SCN3A: variants seen among roughly 807,000 people sequenced by gnomAD.
SCN3A encodes sodium voltage-gated channel alpha subunit 3.
Under a neutral mutation model 187.6 loss-of-function variants are expected in SCN3A, and 60 were observed. That is an observed-to-expected ratio of 0.32 (90% confidence interval 0.26 to 0.40). SCN3A has a LOEUF of 0.40. Ranked by LOEUF, SCN3A falls within the 10% of genes least tolerant of loss-of-function variation. SCN3A has a pLI of 1.00. For missense variants in SCN3A, 1,601 were observed against 2,428.2 expected, an observed-to-expected ratio of 0.66 and a Z score of 7.16; for synonymous variants, 788 against 829.2, an observed-to-expected ratio of 0.95 and a Z score of 0.85.
intron 1 of SCN3A, among the ~76,000 whole-genome samples, chr2:165,189,317 ATTAG>A (rs2105963338): frequency 6.6e-6 from 1 of 152,320 alleles, no homozygotes; most frequent in South Asian, 2.1e-4. Flanking sequence ...GATGGTTGCA[ATTAG>A]TTAAACTAAG....
intron 12 of SCN3A, 37 bp from the exon 13 acceptor site, chr2:165,141,035 G>A (rs746304411): frequency 4.3e-6 from 6 of 1,410,702 alleles, no homozygotes; most frequent in Non-Finnish European, 6.0e-6. Context: ...ATGGGATGGG[G>A]GTAGGGGAAG....
chr2:165,177,210 A>G (rs909343818), intron 2 of SCN3A, among the ~76,000 whole-genome samples: 1 of 152,144 alleles, frequency 6.6e-6, no homozygotes, highest in African/African-American at 2.4e-5. Context: ...TTATTCCAAG[A>G]CAATTTTGAC....
chr2:165,094,489 A>G lies in SCN3A; in HGVS notation c.4432-11T>C, dbSNP rs2105636380. On this transcript the variant is annotated splice_polypyrimidine_tract_variant and intron_variant, in intron 25 of 27. Transcript: ENST00000283254. ...GTCTTGACCTCCAAAGTAAAGACAT[A>G]GTATAAAACTGGTTACAATTCTGTG... 1 of 1,535,864 alleles carries G rather than the reference A, an allele frequency of 6.5e-7. No homozygotes were observed. The highest frequency in any genetic ancestry group is 2.2e-5 in the East Asian group (1 of 44,468).
chr2:165,200,686 C>T (rs186584537), intron 1 of SCN3A, among the ~76,000 whole-genome samples: 1 of 152,110 alleles, frequency 6.6e-6, no homozygotes, highest in Admixed American at 6.6e-5. Context: ...GAAGATGAAG[C>T]TGACAGCGCA....
At chr2:165,154,332 A>G in intron 11 of SCN3A, 120 bp downstream of exon 11, 6 of 1,096,162 alleles carry the variant, frequency 5.5e-6, no homozygotes, top group Non-Finnish European at 7.8e-6. Flanking sequence ...TTTTTTTCTA[A>G]TGACAATGCC....
At position 165,090,359 on chromosome 2, in the gene SCN3A, T is replaced by C. The variant is rs1271986867; in HGVS notation, c.5794A>G (p.Ile1932Val). 1.9e-6 allele frequency: 3 copies of C among 1,613,132 alleles called. No individual in the cohort carries two copies. The highest frequency in any genetic ancestry group is 3.3e-4 in the Middle Eastern group (2 of 6,060). The stretch of plus-strand genomic sequence containing the variant: ...ATAGGTAAGTCAATCCTCCCTTTAA[T>C]TGCCTCTTTGTTATAGTTACTTGAT... ...NISSNYNKEAIKGRIDLPIKQ... is the reference protein window; with the variant it reads ...NISSNYNKEAVKGRIDLPIKQ... The change falls in exon 28 of 28, where the codon ATT becomes GTT. Residue 1932 changes from isoleucine (I) to valine (V), a missense_variant. Transcript: ENST00000283254. The surrounding 1 kb of genome is among the most constrained non-coding windows in gnomAD (Gnocchi z 4.0).
At position 165,097,309 on chromosome 2, in the gene SCN3A, T is replaced by C; in HGVS notation, c.4182A>G (p.Lys1394=). ...CQALGKQARW[K]NVKVNFDNVG... Reference sequence around the variant, plus strand: ...CATTATCAAAGTTTACTTTCACGTTTTTCCACCGAGCTTGCTTGCCAAGAG... The same window carrying C: ...CATTATCAAAGTTTACTTTCACGTTCTTCCACCGAGCTTGCTTGCCAAGAG... Residue 1394 remains lysine (K), a synonymous_variant, in exon 23 of 28, where the codon AAA becomes AAG. Transcript: ENST00000283254. The C allele has an allele frequency of 6.2e-7, 1 of 1,614,098 alleles. No individual in the cohort carries two copies. Among genetic ancestry groups the C allele is most frequent in the Non-Finnish European group, 8.5e-7 (1 of 1,179,980 alleles).
chr2:165,127,085 G>A (rs564096118), intron 18 of SCN3A, among the ~76,000 whole-genome samples: 2 of 152,148 alleles, frequency 1.3e-5, no homozygotes, highest in East Asian at 3.9e-4. Flanking sequence ...TTGAGATAGG[G>A]TCTTGCTTTG....
At position 165,095,598 on chromosome 2, in the gene SCN3A, A is replaced by G; in HGVS notation, c.4344T>C (p.Phe1448=). 1 of 1,558,532 alleles carries G rather than the reference A, an allele frequency of 6.4e-7. No homozygotes were observed. The highest frequency in any genetic ancestry group is 8.9e-7 in the Non-Finnish European group (1 of 1,129,728). The part of the protein sequence containing the change: ...YEENLYMYLY[F]VIFIIFGSFF... ...ATGACCCAAAGATGATAAAGATGACAAAGTATAAATACATGTACAGATTTT... is the reference window on the plus strand; with the variant it reads ...ATGACCCAAAGATGATAAAGATGACGAAGTATAAATACATGTACAGATTTT... The change falls in exon 25 of 28, where the codon TTT becomes TTC. Residue 1448 remains phenylalanine, a synonymous_variant. Coordinates refer to ENST00000283254, the MANE Select transcript of SCN3A (RefSeq NM_006922.4).
intron 22 of SCN3A, among the ~76,000 whole-genome samples, chr2:165,099,712 G>C (rs1249038721): frequency 6.6e-6 from 1 of 152,084 alleles, no homozygotes; most frequent in Non-Finnish European, 1.5e-5. Context: ...GCGAGACTCC[G>C]TCTAAAAACA....
chr2:165,181,194 A>T (rs995088114), intron 2 of SCN3A, among the ~76,000 whole-genome samples: 6 of 152,222 alleles, frequency 3.9e-5, no homozygotes, highest in Admixed American at 3.3e-4. Flanking sequence ...TTATTGAAAT[A>T]TATGAAGAGA....
intron 11 of SCN3A, among the ~76,000 whole-genome samples, chr2:165,153,097 T>C (rs6738999): frequency 0.73 from 110,409 of 151,116 alleles, 40,417 homozygotes; most frequent in East Asian, 0.84. Flanking sequence ...GGTACTGGTA[T>C]AAAAATGACA....
intron 12 of SCN3A, 121 bp from the exon 13 acceptor site, chr2:165,141,119 C>T (rs1307148524): frequency 1.1e-5 from 7 of 644,648 alleles, no homozygotes; most frequent in Non-Finnish European, 1.3e-5. Context: ...TGCTCTTAAA[C>T]ATGGATAATC....
At position 165,111,631 on chromosome 2, in the gene SCN3A, A is replaced by G. The variant is rs181291136; in HGVS notation, c.3843+1254T>C. ...TGAGAATTAGTAAATTTGGACACGT[A>G]TCAACTTTATTATTAAGAAGCTGTG... On this transcript the variant is annotated intron_variant, in intron 21 of 27. Transcript: ENST00000283254. Among the ~76,000 whole-genome samples the G allele has an allele frequency of 4.9e-3, 739 of 152,268 alleles. 3 individuals carry two copies. Among genetic ancestry groups the G allele is most frequent in the South Asian group, 0.015 (73 of 4,824 alleles).
chr2:165,133,222 G>A (rs1687456215), intron 15 of SCN3A, among the ~76,000 whole-genome samples: 1 of 152,170 alleles, frequency 6.6e-6, no homozygotes, highest in Non-Finnish European at 1.5e-5. Context: ...AAGTCAGTGT[G>A]GCGATTCCTC....
chr2:165,122,173 C>T (rs921363749), intron 18 of SCN3A, among the ~76,000 whole-genome samples: 3 of 151,142 alleles, frequency 2.0e-5, no homozygotes. Flanking sequence ...GACTATGGCC[C>T]TTCATCTCCA....
chr2:165,121,755 C>T (rs1686690692), intron 18 of SCN3A, among the ~76,000 whole-genome samples: 1 of 152,130 alleles, frequency 6.6e-6, no homozygotes, highest in African/African-American at 2.4e-5. Flanking sequence ...CCTCCCAGAA[C>T]CCGCACTCTG....
chr2:165,108,410 G>C (rs1685961839), intron 21 of SCN3A, among the ~76,000 whole-genome samples: 1 of 152,056 alleles, frequency 6.6e-6, no homozygotes, highest in Non-Finnish European at 1.5e-5. Flanking sequence ...GGGATTCTAA[G>C]GAGCATGTGA....
At chr2:165,095,369 G>T in intron 25 of SCN3A, 142 bp downstream of exon 25, 3 of 835,234 alleles carry the variant, frequency 3.6e-6, no homozygotes, top group Non-Finnish European at 5.7e-6. Flanking sequence ...TGGAATCCCT[G>T]CAGCTTAAAT....
Sources: gnomAD v4.1 joint callset for allele counts (sites outside exome capture counted in the v4.1 genomes callset) on GRCh38, gnomAD v4.1.1 for gene constraint, Gnocchi (gnomAD v3.1) non-coding constraint, MANE v1.5 for transcripts, NCBI Gene and HGNC (gene_info 2026-07-23, HGNC 2026-07-21) for gene names.